KIAA1217: variants seen among roughly 807,000 people sequenced by gnomAD.
KIAA1217 encodes the protein KIAA1217.
In KIAA1217, 88 loss-of-function variants were observed where a neutral mutation model predicts 163.9. The ratio of observed to expected loss-of-function variants is 0.54; its 90% CI spans 0.45 to 0.64. KIAA1217 has a LOEUF of 0.64. KIAA1217 is among the 30% of genes least tolerant of loss of function. The pLI is 0.00. For missense variants in KIAA1217, 2,372 were observed against 2,475.0 expected, an observed-to-expected ratio of 0.96 and a Z score of 0.88; for synonymous variants, 903 against 923.1, an observed-to-expected ratio of 0.98 and a Z score of 0.39.
intron 1 of KIAA1217, among the ~76,000 whole-genome samples, chr10:23,856,780 C>G (rs898406604): frequency 4.6e-5 from 7 of 152,246 alleles, no homozygotes; most frequent in Non-Finnish European, 1.0e-4. Context: ...TGCTAGCAAT[C>G]AGCGAGATTC....
chr10:24,282,709 C>T (rs936017394), intron 2 of KIAA1217, among the ~76,000 whole-genome samples: 12 of 151,484 alleles, frequency 7.9e-5, no homozygotes, highest in African/African-American at 2.9e-4. Flanking sequence ...TTCTTTATGG[C>T]ACTGAAAGAT....
At chr10:24,272,538 A>G (rs1420271413) in intron 2 of KIAA1217, among the ~76,000 whole-genome samples, 1 of 152,226 alleles carries the variant, frequency 6.6e-6, no homozygotes, top group Non-Finnish European at 1.5e-5. Context: ...ATTGTTGGGA[A>G]GAAAATACTA....
intron 16 of KIAA1217, among the ~76,000 whole-genome samples, chr10:24,536,277 G>A (rs569754466): frequency 1.4e-4 from 22 of 152,228 alleles, no homozygotes; most frequent in East Asian, 5.8e-4. Flanking sequence ...ACCTCGGAGC[G>A]CGGTAGTACC....
chr10:23,765,653 G>A (rs1438403539), intron 1 of KIAA1217, among the ~76,000 whole-genome samples: 3 of 152,140 alleles, frequency 2.0e-5, no homozygotes. Context: ...ATGACCGTGA[G>A]TGAGTTCTCA....
intron 2 of KIAA1217, among the ~76,000 whole-genome samples, chr10:24,070,450 C>G (rs922829545): frequency 6.6e-6 from 1 of 152,104 alleles, no homozygotes; most frequent in African/African-American, 2.4e-5. Flanking sequence ...TATCATCAAA[C>G]AGCAGGTAAT....
chr10:24,077,911 T>C (rs2061419109), intron 2 of KIAA1217, among the ~76,000 whole-genome samples: 1 of 152,252 alleles, frequency 6.6e-6, no homozygotes, highest in African/African-American at 2.4e-5. Context: ...TATCGCACTG[T>C]GCTTTTGATT....
At chr10:23,975,120 T>C (rs16924165) in intron 1 of KIAA1217, among the ~76,000 whole-genome samples, 2 of 152,172 alleles carry the variant, frequency 1.3e-5, no homozygotes, top group African/African-American at 4.8e-5. Flanking sequence ...CATGCCAATG[T>C]CCCTACTTTT....
chr10:23,770,767 T>C (rs923586381), intron 1 of KIAA1217, among the ~76,000 whole-genome samples: 1 of 152,208 alleles, frequency 6.6e-6, no homozygotes, highest in Non-Finnish European at 1.5e-5. Context: ...TGTGCATGGA[T>C]TGACCTTTGA....
At chr10:23,758,626 TTCTCTCTC>T (rs573288653) in intron 1 of KIAA1217, among the ~76,000 whole-genome samples, 3 of 116,920 alleles carry the variant, frequency 2.6e-5, no homozygotes, top group African/African-American at 1.2e-4. Context: ...CTTTCTTACT[TTCTCTCTC>T]TCTCTCTCTC....
chr10:24,347,788 G>A (rs1000881308), intron 2 of KIAA1217, among the ~76,000 whole-genome samples: 9 of 152,090 alleles, frequency 5.9e-5, no homozygotes, highest in African/African-American at 1.9e-4. Context: ...CAGCTTTATT[G>A]AGTATAATTG....
At chr10:24,005,872 C>T (rs1846971891) in intron 1 of KIAA1217, among the ~76,000 whole-genome samples, 1 of 152,128 alleles carries the variant, frequency 6.6e-6, no homozygotes, top group African/African-American at 2.4e-5. Flanking sequence ...GAAGTGGTCA[C>T]AGAATCAACA....
At chr10:23,759,095 C>T (rs1181586623) in intron 1 of KIAA1217, among the ~76,000 whole-genome samples, 2 of 152,110 alleles carry the variant, frequency 1.3e-5, no homozygotes, top group African/African-American at 4.8e-5. Flanking sequence ...TAGTTTGTTT[C>T]AGAACTGTTT....
rs192599996 is a variant in KIAA1217 at position 23,853,409 on chromosome 10, G to A, written c.-320-153816G>A. 4.5e-3 allele frequency among the ~76,000 whole-genome samples: 688 copies of A among 152,112 alleles called. 8 individuals carry two copies. The highest frequency in any genetic ancestry group is 0.015 in the African/African-American group (635 of 41,500). ...AGCTTTTTGATGTGCTGCTGGATTC[G>A]GTTTGTCAGTATTTTATTGAGGATT... On this transcript the variant is annotated intron_variant, in intron 1 of 18. Transcript: ENST00000376462.
Position 24,543,539 on chromosome 10 carries a change from C to T in KIAA1217, c.4269C>T (p.Thr1423=), listed in dbSNP as rs778922149. The part of the protein sequence containing the change: ...TVNIDARKEM[T]PRQEGTDNED... Reference sequence around the variant, plus strand: ...ATATCGATGCCAGAAAAGAGATGACCCCCCGACAAGAAGGGACTGACAATG... The same window carrying T: ...ATATCGATGCCAGAAAAGAGATGACTCCCCGACAAGAAGGGACTGACAATG... Residue 1423 remains threonine, a synonymous_variant, in exon 19 of 21, where the codon ACC becomes ACT. Transcript: ENST00000376454. 1.2e-6 allele frequency: 2 copies of T among 1,613,972 alleles called. No individual in the cohort carries two copies. Among genetic ancestry groups the T allele is most frequent in the South Asian group, 1.1e-5 (1 of 91,056 alleles).
At chr10:23,881,715 C>A (rs1018042799) in intron 1 of KIAA1217, among the ~76,000 whole-genome samples, 3 of 151,926 alleles carry the variant, frequency 2.0e-5, no homozygotes, top group Admixed American at 6.6e-5. Flanking sequence ...AATGGTCTGA[C>A]CCACTGAATG....
At chr10:24,044,189 G>A (rs1004005914) in intron 2 of KIAA1217, among the ~76,000 whole-genome samples, 9 of 152,068 alleles carry the variant, frequency 5.9e-5, no homozygotes, top group African/African-American at 1.7e-4. Flanking sequence ...GTATCATATA[G>A]CACCAATAGA....
At chr10:24,210,409 G>C (rs1333417846) in intron 1 of KIAA1217, among the ~76,000 whole-genome samples, 1 of 152,090 alleles carries the variant, frequency 6.6e-6, no homozygotes, top group Non-Finnish European at 1.5e-5. Flanking sequence ...TCTCCTTCAG[G>C]CTACCGGGGT....
intron 3 of KIAA1217, among the ~76,000 whole-genome samples, chr10:24,394,640 A>G (rs1413795498): frequency 6.6e-6 from 1 of 152,178 alleles, no homozygotes; most frequent in Non-Finnish European, 1.5e-5. Context: ...CATAAATCAA[A>G]GACTTCCCGG....
chr10:24,466,544 C>T (rs2062963160), intron 5 of KIAA1217: 1 of 985,306 alleles, frequency 1.0e-6, no homozygotes, highest in South Asian at 4.7e-5. Flanking sequence ...CCAGTGTCAG[C>T]TTCTCTCCGA....
Sources: gnomAD v4.1 joint callset for allele counts (sites outside exome capture counted in the v4.1 genomes callset) on GRCh38, gnomAD v4.1.1 for gene constraint, MANE v1.5 for transcripts, NCBI Gene and HGNC (gene_info 2026-07-23, HGNC 2026-07-21) for gene names.